Variants in OSBP2 observed in about 807,000 individuals in gnomAD.
OSBP2 encodes oxysterol-binding protein 2.
In OSBP2, 66 loss-of-function variants were observed where a neutral mutation model predicts 96.0. The ratio of observed to expected loss-of-function variants is 0.69; its 90% CI spans 0.56 to 0.84. The LOEUF (loss-of-function observed/expected upper bound fraction) is 0.84, where lower values mean the gene tolerates loss of function less well. Ranked by LOEUF, OSBP2 falls within the 40% of genes least tolerant of loss-of-function variation. OSBP2 has a pLI of 0.00. For missense variants in OSBP2, 1,038 were observed against 1,222.7 expected (o/e 0.85, Z 2.25); for synonymous variants, 525 against 520.9 (o/e 1.01, Z -0.11).
At chr22:30,804,138 G>A (rs2090894705) in intron 2 of OSBP2, among the ~76,000 whole-genome samples, 1 of 152,190 alleles carries the variant, frequency 6.6e-6, no homozygotes, top group African/African-American at 2.4e-5. Flanking sequence ...CCTAGAACTG[G>A]ATGGGTGGGC....
intron 4 of OSBP2, 101 bp from the exon 5 acceptor site, chr22:30,888,122 G>A: frequency 1.3e-6 from 1 of 776,956 alleles, no homozygotes; most frequent in Non-Finnish European, 2.3e-6. Flanking sequence ...GGAGGGGAGT[G>A]AGGCCAGATG....
intron 2 of OSBP2, among the ~76,000 whole-genome samples, chr22:30,784,310 G>A (rs932146009): frequency 5.9e-5 from 9 of 152,074 alleles, no homozygotes; most frequent in Admixed American, 2.6e-4. Context: ...TTGGAGTGCA[G>A]TGGCATGATC....
chr22:30,775,508 T>C (rs1480606311), intron 2 of OSBP2, among the ~76,000 whole-genome samples: 1 of 151,036 alleles, frequency 6.6e-6, no homozygotes, highest in Non-Finnish European at 1.5e-5. Flanking sequence ...TCCCAGCTAC[T>C]TGGGAGGCTG....
chr22:30,727,602 C>T (rs943597068), intron 1 of OSBP2, among the ~76,000 whole-genome samples: 2 of 152,128 alleles, frequency 1.3e-5, no homozygotes, highest in Non-Finnish European at 2.9e-5. Flanking sequence ...GTTGATGCCA[C>T]CTGGGCACTG....
At chr22:30,798,741 G>A (rs1232226755) in intron 2 of OSBP2, among the ~76,000 whole-genome samples, 4 of 152,162 alleles carry the variant, frequency 2.6e-5, no homozygotes, top group African/African-American at 9.6e-5. Flanking sequence ...AGCTGGGCAT[G>A]GTGGCTCACA....
At chr22:30,731,184 A>G (rs1482120953) in intron 1 of OSBP2, among the ~76,000 whole-genome samples, 1 of 151,960 alleles carries the variant, frequency 6.6e-6, no homozygotes, top group Non-Finnish European at 1.5e-5. Context: ...AAATAAATAA[A>G]TAAATAAATG....
Position 30,741,168 on chromosome 22 carries a change from G to T in OSBP2, c.652G>T (p.Gly218Cys). Residue 218 changes from glycine to cysteine, a missense_variant, in exon 2 of 14, where the codon GGT becomes TGT. Transcript: ENST00000332585. Reference sequence around the variant, plus strand: ...TTCTCTTACATCCTACAGAAATCAGGGTGAAATGGCCCACACGTGCCGTGG... The same window carrying T: ...TTCTCTTACATCCTACAGAAATCAGTGTGAAATGGCCCACACGTGCCGTGG... The part of the protein sequence containing the change: ...NGLLSYYRNQ[G>C]EMAHTCRGTI... 1 of 1,613,820 alleles carries T rather than the reference G, an allele frequency of 6.2e-7. No homozygotes were observed.
At chr22:30,858,337 G>A (rs925053280) in intron 2 of OSBP2, among the ~76,000 whole-genome samples, 5 of 150,388 alleles carry the variant, frequency 3.3e-5, no homozygotes, top group South Asian at 2.1e-4. Context: ...TAGTAGAGAC[G>A]GGGTTTCACC....
At chr22:30,810,590 G>A (rs1447005396) in intron 2 of OSBP2, among the ~76,000 whole-genome samples, 4 of 152,150 alleles carry the variant, frequency 2.6e-5, no homozygotes, top group African/African-American at 7.2e-5. Flanking sequence ...TGCAGAGGGT[G>A]AGGTGAGGCC....
intron 2 of OSBP2, among the ~76,000 whole-genome samples, chr22:30,809,338 G>A (rs1013635167): frequency 6.6e-6 from 1 of 152,196 alleles, no homozygotes; most frequent in Non-Finnish European, 1.5e-5. Context: ...GAGTCAGTGT[G>A]GTGAGTACTG....
At chr22:30,902,312 G>A in intron 12 of OSBP2, 1 of 1,591,272 alleles carries the variant, frequency 6.3e-7, no homozygotes, top group East Asian at 2.2e-5. Context: ...GAGTGTACGG[G>A]TAGTCAGAGA....
In OSBP2 at chr22:30,889,191, G is replaced by A. The variant is rs746490863; in HGVS notation, c.1433G>A (p.Gly478Asp). The change falls in exon 6 of 14, where the codon GGT becomes GAT. Residue 478 changes from glycine (G) to aspartate (D), a missense_variant. This residue lies in a region of OSBP2 where 737 missense variants were observed against 913.3 expected (regional missense o/e 0.81). Coordinates refer to ENST00000332585, the MANE Select transcript of OSBP2 (RefSeq NM_030758.4). ...TGTATTTCCAGCAGAAAAGCTGAAG[G>A]TAGCACCGGGACAAGTTCCGTGGAC... ...EAKEDSRKAE[G>D]STGTSSVDWS... The A allele has an allele frequency of 2.5e-6, 4 of 1,613,584 alleles. No homozygotes were observed. Among genetic ancestry groups the A allele is most frequent in the Admixed American group, 3.3e-5 (2 of 59,958 alleles).
At chr22:30,761,718 A>T (rs1275432463) in intron 2 of OSBP2, among the ~76,000 whole-genome samples, 1 of 152,276 alleles carries the variant, frequency 6.6e-6, no homozygotes, top group Non-Finnish European at 1.5e-5. Flanking sequence ...GTTGGCAAAC[A>T]CTATATAGAT....
At chr22:30,905,134 C>CT (rs566334052) in intron 12 of OSBP2, among the ~76,000 whole-genome samples, 3,637 of 68,636 alleles carry the variant, frequency 0.053, 413 homozygotes, top group Admixed American at 0.076. Flanking sequence ...CGAGACCCGT[C>CT]TTTTTTTTTT....
At chr22:30,715,309 A>G (rs1409178753) in intron 1 of OSBP2, among the ~76,000 whole-genome samples, 1 of 149,944 alleles carries the variant, frequency 6.7e-6, no homozygotes, top group South Asian at 2.1e-4. Flanking sequence ...GTGAGATGGT[A>G]TCTATTGTGG....
intron 2 of OSBP2, among the ~76,000 whole-genome samples, chr22:30,760,921 A>G (rs1200591215): frequency 6.6e-6 from 1 of 152,222 alleles, no homozygotes; most frequent in East Asian, 1.9e-4. Context: ...AAGGCATTTG[A>G]CAAAATTTAA....
At chr22:30,829,395 C>G (rs570032497) in intron 2 of OSBP2, among the ~76,000 whole-genome samples, 33 of 152,332 alleles carry the variant, frequency 2.2e-4, no homozygotes, top group African/African-American at 7.9e-4. Flanking sequence ...CGGGTTCAAG[C>G]TGTTCTCCTG....
At chr22:30,778,169 CCTTT>C (rs368308875) in intron 2 of OSBP2, among the ~76,000 whole-genome samples, 47,544 of 124,136 alleles carry the variant, frequency 0.38, 11,894 homozygotes, top group Middle Eastern at 0.47. Flanking sequence ...TAATTTTTGC[CCTTT>C]TTTTTTTTTT....
At chr22:30,862,701 C>T (rs1239629907) in intron 2 of OSBP2, among the ~76,000 whole-genome samples, 3 of 151,242 alleles carry the variant, frequency 2.0e-5, no homozygotes, top group Non-Finnish European at 4.4e-5. Context: ...AGGCTAGGCG[C>T]GGTGGCTTGT....
Sources: allele counts gnomAD v4.1 joint callset (sites outside exome capture counted in the v4.1 genomes callset), GRCh38; gene constraint gnomAD v4.1.1; regional missense constraint gnomAD v4.1.1; transcripts MANE v1.5; gene names NCBI Gene and HGNC (gene_info 2026-07-23, HGNC 2026-07-21).